Variants in GRK3 observed in about 807,000 individuals in gnomAD.
GRK3 encodes the protein G protein-coupled receptor kinase 3.
Under a neutral mutation model 95.7 loss-of-function variants are expected in GRK3, and 54 were observed. That is an observed-to-expected ratio of 0.56 (90% CI 0.45 to 0.71). The LOEUF is 0.71. Among genes scored for constraint, GRK3 ranks in the 30% least tolerant of loss-of-function variants. The probability of loss-of-function intolerance (pLI) is 0.00; values close to 1 mark genes in which losing one functional copy is unlikely to be tolerated. For missense variants in GRK3, 649 were observed against 851.2 expected (o/e 0.76, Z 2.96); for synonymous variants, 281 against 290.8 (o/e 0.97, Z 0.34).
chr22:25,605,583 A>G (rs986199281), intron 2 of GRK3, among the ~76,000 whole-genome samples: 1 of 152,262 alleles, frequency 6.6e-6, no homozygotes, highest in Non-Finnish European at 1.5e-5. Context: ...TTATTGAGGT[A>G]TATTTCACAT....
At chr22:25,700,997 G>A (rs949070316) in intron 13 of GRK3, among the ~76,000 whole-genome samples, 1 of 152,224 alleles carries the variant, frequency 6.6e-6, no homozygotes, top group African/African-American at 2.4e-5. Context: ...CAGGATGTGT[G>A]TTTTCCCATC....
chr22:25,687,507 C>T, intron 10 of GRK3, 30 bp from the exon 11 acceptor site: 3 of 1,609,366 alleles, frequency 1.9e-6, no homozygotes, highest in Non-Finnish European at 1.7e-6. Flanking sequence ...AATTAACATG[C>T]TTTGAATTAA....
rs566034955 is a variant in GRK3 at position 25,717,844 on chromosome 22, G to A, written c.1655-401G>A. On this transcript the variant is annotated intron_variant, in intron 18 of 20. Transcript: ENST00000324198. ...CACTATTATTATTTTTAAGATAAAA[G>A]GGAGATTAAAGGGGGAATCCCAACC... Among the ~76,000 whole-genome samples the A allele has an allele frequency of 8.4e-4, 128 of 152,210 alleles. 1 individual carries two copies. Among genetic ancestry groups the A allele is most frequent in the Non-Finnish European group, 3.2e-4 (22 of 68,024 alleles).
Position 25,569,246 on chromosome 22 carries a change from T to C in GRK3, c.113+4093T>C, listed in dbSNP as rs1330281899. On this transcript the variant is annotated intron_variant, in intron 1 of 20. Coordinates refer to ENST00000324198, the MANE Select transcript of GRK3 (RefSeq NM_005160.4). Reference sequence around the variant, plus strand: ...GTGTAAGAAACAGTAGTGTTCTTGCTTCTTTTTCATTAAGGTACAAATTCA... The same window carrying C: ...GTGTAAGAAACAGTAGTGTTCTTGCCTCTTTTTCATTAAGGTACAAATTCA... 3.3e-5 allele frequency among the ~76,000 whole-genome samples: 5 copies of C among 152,252 alleles called. No homozygotes were observed. In the East Asian group the frequency reaches 7.7e-4, roughly 23 times the overall value.
At chr22:25,670,692 G>T (rs1054925753) in intron 6 of GRK3, among the ~76,000 whole-genome samples, 4 of 151,704 alleles carry the variant, frequency 2.6e-5, no homozygotes, top group Admixed American at 2.0e-4. Flanking sequence ...AAATGAGATC[G>T]AACCATCACC....
chr22:25,646,544 C>G (rs1454352950), intron 3 of GRK3, among the ~76,000 whole-genome samples: 1 of 152,114 alleles, frequency 6.6e-6, no homozygotes, highest in African/African-American at 2.4e-5. Context: ...TTAGGAAACC[C>G]TAAGCAGAAT....
At chr22:25,616,829 T>A (rs2084543001) in intron 2 of GRK3, among the ~76,000 whole-genome samples, 1 of 152,236 alleles carries the variant, frequency 6.6e-6, no homozygotes, top group Non-Finnish European at 1.5e-5. Context: ...GTTGAGACTG[T>A]AGGGCGATGA....
chr22:25,607,170 G>A (rs955764120), intron 2 of GRK3, among the ~76,000 whole-genome samples: 2 of 151,828 alleles, frequency 1.3e-5, no homozygotes, highest in African/African-American at 4.8e-5. Context: ...TTCCCATCCC[G>A]TCTTTTTTTG....
intron 14 of GRK3, among the ~76,000 whole-genome samples, chr22:25,703,824 G>T (rs369448124): frequency 6.6e-6 from 1 of 152,284 alleles, no homozygotes; most frequent in East Asian, 1.9e-4. Flanking sequence ...GTATGAGGAA[G>T]CTAAAGAAAA....
rs962805486 is a variant in GRK3, at chr22:25,714,653, C to T, written c.1654+83C>T. 32 of 1,338,668 alleles carry T rather than the reference C, an allele frequency of 2.4e-5. No homozygotes were observed. The Admixed American group carries it at 4.5e-4, about 19-fold the overall frequency. 82.9% of individuals were successfully genotyped at this position (1,338,668 alleles called of 1,614,324 possible). A position where few individuals can be genotyped will look rare whatever the true frequency, so the allele number is the denominator to read the frequency against. Reference sequence around the variant, plus strand: ...TGTAAAGCTGAAAAAGTATTTGGGTCGTAAGGTATTTTGCAGTCGAGAAGA... The same window carrying T: ...TGTAAAGCTGAAAAAGTATTTGGGTTGTAAGGTATTTTGCAGTCGAGAAGA... On this transcript the variant is annotated intron_variant, in intron 18 of 20. Transcript: ENST00000324198.
intron 2 of GRK3, among the ~76,000 whole-genome samples, chr22:25,613,983 G>A (rs1191114696): frequency 6.6e-6 from 1 of 151,108 alleles, no homozygotes; most frequent in Non-Finnish European, 1.5e-5. Context: ...TCAAAGACCA[G>A]CCATAATTAT....
intron 15 of GRK3, 64 bp downstream of exon 15, chr22:25,704,273 T>G (rs1335341863): frequency 4.0e-6 from 5 of 1,262,624 alleles, no homozygotes; most frequent in Non-Finnish European, 5.7e-6. Context: ...TTTTAAATAC[T>G]GTCTATCAAA....
intron 3 of GRK3, among the ~76,000 whole-genome samples, chr22:25,650,316 C>T (rs1419104034): frequency 6.6e-6 from 1 of 152,200 alleles, no homozygotes; most frequent in Non-Finnish European, 1.5e-5. Flanking sequence ...CATGAGCCAT[C>T]ATGCCCGGCA....
At chr22:25,606,530 C>A (rs371478716) in intron 2 of GRK3, among the ~76,000 whole-genome samples, 1 of 152,264 alleles carries the variant, frequency 6.6e-6, no homozygotes, top group Admixed American at 6.5e-5. Context: ...TTCCAGGTTC[C>A]GTTTGCGCCT....
chr22:25,691,638 T>G (rs1160931298), intron 12 of GRK3, among the ~76,000 whole-genome samples: 1 of 152,264 alleles, frequency 6.6e-6, no homozygotes, highest in Non-Finnish European at 1.5e-5. Context: ...GTCATTTGAA[T>G]TTTTAATGCC....
At chr22:25,715,613 T>G (rs1264865619) in intron 18 of GRK3, among the ~76,000 whole-genome samples, 1 of 151,984 alleles carries the variant, frequency 6.6e-6, no homozygotes, top group Non-Finnish European at 1.5e-5. Context: ...TCAGTCATTC[T>G]CATTTCACTG....
chr22:25,680,349 T>C (rs2085064612), intron 9 of GRK3, among the ~76,000 whole-genome samples: 1 of 152,240 alleles, frequency 6.6e-6, no homozygotes, highest in Admixed American at 6.5e-5. Context: ...GTGAATGGCA[T>C]TGGCTTTTAA....
Position 25,718,157 on chromosome 22 carries a change from G to A in GRK3, c.1655-88G>A, listed in dbSNP as rs887813519. ...TATAGAAACCTGCTTTTTCCAAAAA[G>A]CATGTCTGTTCTTTTTTCAGAGAAT... On this transcript the variant is annotated intron_variant, in intron 18 of 20. Transcript: ENST00000324198. The A allele has an allele frequency of 9.7e-6, 14 of 1,445,444 alleles. No homozygotes were observed. The African/African-American group carries it at 1.7e-4, about 18-fold the overall frequency. 89.5% of individuals were successfully genotyped at this position (1,445,444 alleles called of 1,614,324 possible). A position where few individuals can be genotyped will look rare whatever the true frequency, so the allele number is the denominator to read the frequency against.
chr22:25,569,452 C>T lies in GRK3; in HGVS notation c.113+4299C>T, dbSNP rs547497875. ...CTGAGCATCATGAAATGCTTCGAAT[C>T]GAGAGCCTCATAGATCTCTCTGAGG... is the stretch of plus-strand genomic sequence containing the variant. On this transcript the variant is annotated intron_variant, in intron 1 of 20. Transcript: ENST00000324198. Among the ~76,000 whole-genome samples the T allele has an allele frequency of 5.9e-5, 9 of 152,278 alleles. 1 individual carries two copies. Among genetic ancestry groups the T allele is most frequent in the Middle Eastern group, 3.4e-3 (1 of 294 alleles).
Sources: gnomAD v4.1 joint callset for allele counts (sites outside exome capture counted in the v4.1 genomes callset) on GRCh38, gnomAD v4.1.1 for gene constraint, MANE v1.5 for transcripts, NCBI Gene and HGNC (gene_info 2026-07-23, HGNC 2026-07-21) for gene names.